DHX36: variants seen among roughly 807,000 people sequenced by gnomAD.
DHX36 encodes ATP-dependent DNA/RNA helicase DHX36.
In DHX36, 50 loss-of-function variants were observed where a neutral mutation model predicts 139.0. That is an observed-to-expected ratio of 0.36 (90% CI 0.29 to 0.46). The LOEUF is 0.46. Ranked by LOEUF, DHX36 falls within the 20% of genes least tolerant of loss-of-function variation. The pLI, the probability that DHX36 is intolerant of heterozygous loss-of-function variation, is 1.00. For synonymous variants in DHX36, 425 were observed against 401.9 expected, an observed-to-expected ratio of 1.06 and a Z score of -0.69; for missense variants, 1,024 against 1,211.3, an observed-to-expected ratio of 0.85 and a Z score of 2.29.
intron 17 of DHX36, among the ~76,000 whole-genome samples, chr3:154,286,720 A>G (rs1364378228): frequency 6.6e-6 from 1 of 152,114 alleles, no homozygotes; most frequent in Non-Finnish European, 1.5e-5. Context: ...TATAGATGGA[A>G]TTCAATCAAA....
intron 1 of DHX36, 27 bp from the exon 2 acceptor site, chr3:154,316,190 C>T (rs1712973853): frequency 6.2e-7 from 1 of 1,610,078 alleles, no homozygotes; most frequent in Non-Finnish European, 8.5e-7. Flanking sequence ...AAAAAGCATC[C>T]TTGTCAACAT....
chr3:154,286,166 CAAAAAAAAAAA>C (rs60041573), intron 17 of DHX36, among the ~76,000 whole-genome samples: 6 of 16,580 alleles, frequency 3.6e-4, no homozygotes, highest in Admixed American at 1.6e-3. Context: ...TTCCACACAC[CAAAAAAAAAAA>C]AAAAAAAAAA....
At chr3:154,315,534 G>A (rs1296879126) in intron 2 of DHX36, among the ~76,000 whole-genome samples, 2 of 152,072 alleles carry the variant, frequency 1.3e-5, no homozygotes, top group African/African-American at 4.8e-5. Flanking sequence ...CCACAGAATA[G>A]TCATTCCTTC....
At chr3:154,285,049 T>A (rs1299784218) in intron 17 of DHX36, 62 bp from the exon 18 acceptor site, 1 of 1,541,844 alleles carries the variant, frequency 6.5e-7, no homozygotes, top group Non-Finnish European at 8.8e-7. Context: ...AAAACGATTT[T>A]AGCTTGCTTT....
chr3:154,286,579 T>C (rs1481204541), intron 17 of DHX36, among the ~76,000 whole-genome samples: 1 of 151,488 alleles, frequency 6.6e-6, no homozygotes, highest in Non-Finnish European at 1.5e-5. Flanking sequence ...AAAATCTAAA[T>C]AAAGACATAT....
chr3:154,283,146 ATCT>A lies in DHX36; in HGVS notation c.2376+39_2376+41del, dbSNP rs759985753. 8.5e-6 allele frequency: 12 copies of A among 1,414,398 alleles called. No individual in the cohort carries two copies. The East Asian group carries it at 2.7e-4, about 32-fold the overall frequency. 87.6% of individuals were successfully genotyped at this position (1,414,398 alleles called of 1,614,324 possible). ...ACAAAATGGATGTATATATTCTCTA[ATCT>A]AGCATATATGATAATTACTGCAAAA... On this transcript the variant is annotated intron_variant, in intron 20 of 24. Transcript: ENST00000496811.
intron 17 of DHX36, 39 bp downstream of exon 17, chr3:154,288,827 T>C: frequency 8.1e-7 from 1 of 1,240,858 alleles, no homozygotes; most frequent in South Asian, 1.6e-5. Flanking sequence ...TGCTGTAGTA[T>C]TCTAAGTTAG....
At chr3:154,301,246 C>T in intron 9 of DHX36, 119 bp from the exon 10 acceptor site, 1 of 982,848 alleles carries the variant, frequency 1.0e-6, no homozygotes, top group Non-Finnish European at 1.5e-6. Flanking sequence ...TTTCATTATG[C>T]TTTCAAGTGA....
intron 9 of DHX36, among the ~76,000 whole-genome samples, chr3:154,301,937 G>A (rs1204913995): frequency 1.7e-4 from 26 of 152,038 alleles, no homozygotes; most frequent in Admixed American, 1.7e-3. Context: ...TCCCAAGTCA[G>A]AATATCCCTC....
chr3:154,321,992 G>T (rs536424462), intron 1 of DHX36, among the ~76,000 whole-genome samples: 1 of 150,946 alleles, frequency 6.6e-6, no homozygotes, highest in Non-Finnish European at 1.5e-5. Flanking sequence ...GAAAGCTACC[G>T]AAATTCTGAC....
At chr3:154,303,033 C>T (rs1712360604) in intron 9 of DHX36, among the ~76,000 whole-genome samples, 1 of 152,124 alleles carries the variant, frequency 6.6e-6, no homozygotes, top group Admixed American at 6.6e-5. Flanking sequence ...GCGGAGATAG[C>T]TCCACTGCAC....
intron 1 of DHX36, 65 bp from the exon 2 acceptor site, chr3:154,316,228 T>C (rs941621597): frequency 3.1e-6 from 5 of 1,592,688 alleles, no homozygotes; most frequent in African/African-American, 1.4e-5. Context: ...AATTATTTGA[T>C]ACTGAAGAAA....
intron 1 of DHX36, among the ~76,000 whole-genome samples, chr3:154,318,340 T>C (rs355775): frequency 0.7 from 106,946 of 151,914 alleles, 38,294 homozygotes; most frequent in South Asian, 0.8. Context: ...TGTATCTGTT[T>C]AGTTAGAATA....
intron 3 of DHX36, 83 bp from the exon 4 acceptor site, chr3:154,311,757 T>C (rs1337372521): frequency 9.5e-7 from 1 of 1,049,046 alleles, no homozygotes; most frequent in Non-Finnish European, 1.4e-6. Context: ...CATCACAGGG[T>C]AAATTGGCTA....
At chr3:154,310,911 GTA>G (rs1323922935) in intron 4 of DHX36, among the ~76,000 whole-genome samples, 1 of 129,188 alleles carries the variant, frequency 7.7e-6, no homozygotes, top group Non-Finnish European at 1.6e-5. Context: ...ACATAGATGT[GTA>G]TATATCAGAA....
At chr3:154,315,343 C>T in intron 2 of DHX36, 63 bp from the exon 3 acceptor site, 1 of 1,142,400 alleles carries the variant, frequency 8.8e-7, no homozygotes, top group South Asian at 1.5e-5. Context: ...TGGAACAAAA[C>T]AAAACAAAAC....
At chr3:154,286,179 A>AAAAC (rs1553757091) in intron 17 of DHX36, among the ~76,000 whole-genome samples, 2,039 of 110,610 alleles carry the variant, frequency 0.018, 178 homozygotes, top group Non-Finnish European at 0.025. Context: ...AAAAAAAAAA[A>AAAAC]AAAAAAAAAA....
At chr3:154,288,624 TA>T (rs945370735) in intron 17 of DHX36, among the ~76,000 whole-genome samples, 70 of 150,876 alleles carry the variant, frequency 4.6e-4, no homozygotes, top group Admixed American at 1.1e-3. Context: ...AAGCCTACAA[TA>T]AAAAAAAATG....
intron 5 of DHX36, among the ~76,000 whole-genome samples, chr3:154,307,948 A>G (rs967032210): frequency 2.6e-5 from 4 of 152,204 alleles, no homozygotes; most frequent in African/African-American, 9.6e-5. Flanking sequence ...TTTAGCTGTA[A>G]GAGTGAAATC....
Sources: allele counts gnomAD v4.1 joint callset (sites outside exome capture counted in the v4.1 genomes callset), GRCh38; gene constraint gnomAD v4.1.1; transcripts MANE v1.5; gene names NCBI Gene and HGNC (gene_info 2026-07-23, HGNC 2026-07-21).